Variants in PCCA observed in about 807,000 individuals in gnomAD.
PCCA encodes the protein propionyl-CoA carboxylase subunit alpha.
PCCA carries 74 observed loss-of-function variants against 101.3 expected under a neutral mutation model. The observed-to-expected ratio is 0.73, with a 90% confidence interval of 0.61 to 0.89. The LOEUF (loss-of-function observed/expected upper bound fraction) is 0.89. PCCA is among the 40% of genes least tolerant of loss of function. PCCA has a pLI of 0.00. For synonymous variants in PCCA, 294 were observed against 313.6 expected, an observed-to-expected ratio of 0.94 and a Z score of 0.66; for missense variants, 891 against 907.0, an observed-to-expected ratio of 0.98 and a Z score of 0.23.
intron 15 of PCCA, among the ~76,000 whole-genome samples, chr13:100,307,575 G>T (rs542411994): frequency 5.3e-5 from 8 of 152,096 alleles, no homozygotes; most frequent in Non-Finnish European, 8.8e-5. Flanking sequence ...GTTTTTTTTG[G>T]CCATTGGCAG....
intron 6 of PCCA, among the ~76,000 whole-genome samples, chr13:100,181,343 T>A (rs1566650004): frequency 2.6e-5 from 4 of 152,216 alleles, no homozygotes; most frequent in Admixed American, 1.3e-4. Context: ...GAGGAAATTA[T>A]TTAAAAAATA....
Position 100,273,307 on chromosome 13 carries a change from G to C in PCCA, c.1026G>C (p.Lys342Asn). ...CCGTGGAGTTCCTTGTGGACTCTAA[G>C]AAGAATTTTTATTTCTTGGAAATGA... is the stretch of plus-strand genomic sequence containing the variant. ...AGTVEFLVDS[K>N]KNFYFLEMNT... Residue 342 changes from lysine to asparagine, a missense_variant, in exon 12 of 24, where the codon AAG becomes AAC. Lys to Asn is a moderately conservative substitution (Grantham distance 94). Coordinates refer to ENST00000376285, the MANE Select transcript of PCCA (RefSeq NM_000282.4). 6.8e-6 allele frequency: 11 copies of C among 1,613,152 alleles called. No individual in the cohort carries two copies. Among genetic ancestry groups the C allele is most frequent in the South Asian group, 2.2e-5 (2 of 91,072 alleles).
At chr13:100,211,968 TG>T (rs1036358285) in intron 7 of PCCA, among the ~76,000 whole-genome samples, 8 of 152,170 alleles carry the variant, frequency 5.3e-5, no homozygotes, top group Admixed American at 4.6e-4. Flanking sequence ...CTCAAATTCC[TG>T]GGCTCAAGCA....
intron 19 of PCCA, among the ~76,000 whole-genome samples, chr13:100,386,286 G>A (rs2076495970): frequency 6.6e-6 from 1 of 152,170 alleles, no homozygotes; most frequent in Admixed American, 6.5e-5. Flanking sequence ...CAAACTGCCT[G>A]TCAGACTGGA....
intron 12 of PCCA, among the ~76,000 whole-genome samples, chr13:100,281,636 C>G (rs1477516066): frequency 1.3e-5 from 2 of 152,180 alleles, no homozygotes; most frequent in Non-Finnish European, 2.9e-5. Flanking sequence ...AAAAGTTACT[C>G]TCCATACCAC....
At chr13:100,156,072 T>C (rs1003955278) in intron 5 of PCCA, among the ~76,000 whole-genome samples, 2 of 152,184 alleles carry the variant, frequency 1.3e-5, no homozygotes, top group Non-Finnish European at 1.5e-5. Context: ...GCTTTTTTTT[T>C]GTTTTGTTTT....
chr13:100,120,177 CTT>C lies in PCCA; in HGVS notation c.300+8134_300+8135del, dbSNP rs11289175. ...CATGCCCAGCCAGATTTTCAGATTA[CTT>C]TTTTTTTTTTTTTTTTTGAGACAGA... On this transcript the variant is annotated intron_variant, in intron 4 of 23. Transcript: ENST00000376285. Among the ~76,000 whole-genome samples, 121 of 131,014 alleles carry C rather than the reference CTT, an allele frequency of 9.2e-4. 1 individual carries two copies. Among genetic ancestry groups the C allele is most frequent in the Middle Eastern group, 8.1e-3 (2 of 248 alleles). 86.0% of individuals were successfully genotyped at this position (131,014 alleles called of 152,430 possible).
chr13:100,257,455 A>G lies in PCCA; in HGVS notation c.638-140A>G, dbSNP rs2062151032. Reference sequence around the variant, plus strand: ...ACACTGGTGTTACTTTCCTGGTGTTATTTTCCTGACTCTAAAGAAAGGAAC... The same window carrying G: ...ACACTGGTGTTACTTTCCTGGTGTTGTTTTCCTGACTCTAAAGAAAGGAAC... On this transcript the variant is annotated intron_variant, in intron 8 of 23. Coordinates refer to ENST00000376285, the MANE Select transcript of PCCA (RefSeq NM_000282.4). 3 of 711,058 alleles carry G rather than the reference A, an allele frequency of 4.2e-6. No individual in the cohort carries two copies. The East Asian group carries it at 8.2e-5, about 19-fold the overall frequency. 44.0% of individuals were successfully genotyped at this position (711,058 alleles called of 1,614,324 possible).
At chr13:100,341,540 C>T (rs972372660) in intron 18 of PCCA, among the ~76,000 whole-genome samples, 7 of 152,148 alleles carry the variant, frequency 4.6e-5, no homozygotes, top group East Asian at 1.9e-4. Flanking sequence ...CATAGCCACG[C>T]GTGGTTAGCA....
chr13:100,216,378 G>A (rs1220318718), intron 7 of PCCA, among the ~76,000 whole-genome samples: 1 of 152,200 alleles, frequency 6.6e-6, no homozygotes, highest in African/African-American at 2.4e-5. Context: ...AAAGATAATG[G>A]TGTAGTAGGG....
At chr13:100,281,172 T>G (rs1280012274) in intron 12 of PCCA, among the ~76,000 whole-genome samples, 1 of 152,188 alleles carries the variant, frequency 6.6e-6, no homozygotes, top group African/African-American at 2.4e-5. Context: ...CATAAAGTGC[T>G]TCCTTTAAGT....
chr13:100,425,455 A>G (rs2079076011), intron 19 of PCCA, among the ~76,000 whole-genome samples, 178 bp from the exon 20 acceptor site: 2 of 152,260 alleles, frequency 1.3e-5, no homozygotes, highest in Non-Finnish European at 2.9e-5. Flanking sequence ...ACCTCTCCCC[A>G]GAGATGACTG....
chr13:100,272,965 A>C (rs995478984), intron 11 of PCCA, among the ~76,000 whole-genome samples: 2 of 152,222 alleles, frequency 1.3e-5, no homozygotes, highest in Admixed American at 1.3e-4. Context: ...AGTAATGTGA[A>C]AAGTTCAAAT....
chr13:100,421,815 G>T (rs534910444), intron 19 of PCCA, among the ~76,000 whole-genome samples: 1 of 152,166 alleles, frequency 6.6e-6, no homozygotes, highest in South Asian at 2.1e-4. Flanking sequence ...CTCCCGAGTA[G>T]CTGGGACTAC....
chr13:100,182,896 C>G (rs1475636094), intron 6 of PCCA, among the ~76,000 whole-genome samples: 3 of 152,164 alleles, frequency 2.0e-5, no homozygotes, highest in African/African-American at 4.8e-5. Flanking sequence ...TTCACAAGGT[C>G]TACAACTGAA....
At chr13:100,179,870 T>A (rs1399901972) in intron 6 of PCCA, among the ~76,000 whole-genome samples, 3 of 151,910 alleles carry the variant, frequency 2.0e-5, no homozygotes, top group African/African-American at 7.3e-5. Context: ...GAGTAAGAGC[T>A]CTCCAGGCAG....
At chr13:100,462,457 C>A (rs1468890391) in intron 21 of PCCA, among the ~76,000 whole-genome samples, 3 of 152,138 alleles carry the variant, frequency 2.0e-5, no homozygotes, top group South Asian at 4.1e-4. Context: ...TGAAGACAGA[C>A]AAACTGATAC....
chr13:100,391,581 A>G (rs1239929073), intron 19 of PCCA, among the ~76,000 whole-genome samples: 2 of 152,150 alleles, frequency 1.3e-5, no homozygotes, highest in Non-Finnish European at 2.9e-5. Flanking sequence ...GCCAGGACAC[A>G]GGGAGGCTAG....
intron 7 of PCCA, among the ~76,000 whole-genome samples, chr13:100,228,010 A>G (rs1203904022): frequency 6.6e-6 from 1 of 151,986 alleles, no homozygotes; most frequent in Non-Finnish European, 1.5e-5. Flanking sequence ...AAATTTTTAT[A>G]TTTGACTTTT....
Sources: allele counts gnomAD v4.1 joint callset (sites outside exome capture counted in the v4.1 genomes callset), GRCh38; gene constraint gnomAD v4.1.1; transcripts MANE v1.5; gene names NCBI Gene and HGNC (gene_info 2026-07-23, HGNC 2026-07-21).